The following MAP4 variants were observed in gnomAD, a reference collection of about 807,000 sequenced individuals.
MAP4 encodes microtubule-associated protein 4.
A neutral mutation model predicts 170.2 loss-of-function variants in MAP4; 76 were observed. The observed-to-expected ratio is 0.45, with a 90% CI of 0.37 to 0.54. MAP4 has a LOEUF of 0.54. Among genes scored for constraint, MAP4 ranks in the 20% least tolerant of loss-of-function variants. MAP4 has a pLI of 0.00. For missense variants in MAP4, 2,506 were observed against 2,748.0 expected, an observed-to-expected ratio of 0.91 and a Z score of 1.97; for synonymous variants, 909 against 994.5, an observed-to-expected ratio of 0.91 and a Z score of 1.62.
intron 2 of MAP4, among the ~76,000 whole-genome samples, chr3:47,982,126 T>C (rs1258019060): frequency 6.6e-6 from 1 of 151,964 alleles, no homozygotes; most frequent in African/African-American, 2.4e-5. Flanking sequence ...TCTACTCTTC[T>C]TGAGGAAACA....
chr3:48,006,627 G>T (rs1023837076), intron 1 of MAP4, among the ~76,000 whole-genome samples: 22 of 152,184 alleles, frequency 1.4e-4, no homozygotes, highest in Non-Finnish European at 2.9e-4. Flanking sequence ...CCTTAGAGTT[G>T]CCTCTACCTA....
At chr3:47,894,708 T>G (rs2100025857) in intron 10 of MAP4, among the ~76,000 whole-genome samples, 2 of 152,174 alleles carry the variant, frequency 1.3e-5, no homozygotes, top group Non-Finnish European at 2.9e-5. Flanking sequence ...ATTAAGTATG[T>G]ACAATATGTG....
chr3:48,018,467 T>TA (rs1307996333), upstream of MAP4, among the ~76,000 whole-genome samples: 2 of 152,144 alleles, frequency 1.3e-5, no homozygotes, highest in Non-Finnish European at 2.9e-5. Context: ...AGAAAAAGAA[T>TA]AAACAGATTC....
At position 48,080,957 on chromosome 3, in the gene MAP4, T is replaced by C. The variant is rs985247759; in HGVS notation, c.-20+7816A>G. ...GGCTAACACGGTGAAACCCCGTCTC[T>C]ACTAAAAATACAAAAAATTAGCCAG... On this transcript the variant is annotated intron_variant, in intron 1 of 18. Coordinates refer to the MAP4 transcript ENST00000360240. Among the ~76,000 whole-genome samples the C allele has an allele frequency of 2.2e-4, 33 of 152,182 alleles. 1 individual carries two copies. Among genetic ancestry groups the C allele is most frequent in the African/African-American group, 7.5e-4 (31 of 41,456 alleles).
intron 1 of MAP4, among the ~76,000 whole-genome samples, chr3:48,006,664 CA>C (rs2100102497): frequency 6.6e-6 from 1 of 152,178 alleles, no homozygotes; most frequent in Non-Finnish European, 1.5e-5. Context: ...AAAACAATAT[CA>C]CATCCCTGGA....
chr3:47,959,108 A>T (rs1204505551), intron 3 of MAP4, among the ~76,000 whole-genome samples: 1 of 139,960 alleles, frequency 7.1e-6, no homozygotes, highest in East Asian at 2.0e-4. Context: ...AGTGTGCAGT[A>T]AAAAAAAAAA....
chr3:47,954,043 C>CA, intron 3 of MAP4, among the ~76,000 whole-genome samples: 1 of 151,326 alleles, frequency 6.6e-6, no homozygotes, highest in East Asian at 1.9e-4. Context: ...CAAACAACAA[C>CA]AAAAAAAGAA....
intron 17 of MAP4, among the ~76,000 whole-genome samples, chr3:47,864,480 T>C (rs2075827009): frequency 1.3e-5 from 2 of 152,002 alleles, no homozygotes; most frequent in South Asian, 2.1e-4. Flanking sequence ...ATGGAGACCA[T>C]TCTGGCTAAC....
chr3:48,028,236 G>A (rs972548315), intron 1 of MAP4, among the ~76,000 whole-genome samples: 3 of 152,148 alleles, frequency 2.0e-5, no homozygotes, highest in Non-Finnish European at 4.4e-5. Flanking sequence ...AGGTTGTAGC[G>A]AGCCAAAATC....
chr3:47,985,452 G>T (rs1361119032), intron 2 of MAP4, among the ~76,000 whole-genome samples: 1 of 152,064 alleles, frequency 6.6e-6, no homozygotes, highest in African/African-American at 2.4e-5. Context: ...ATAAATAAAT[G>T]CTTTTTTTTA....
intron 10 of MAP4, among the ~76,000 whole-genome samples, chr3:47,888,820 T>G (rs2098104195): frequency 6.6e-6 from 1 of 152,378 alleles, no homozygotes; most frequent in East Asian, 1.9e-4. Context: ...AATATTTCCT[T>G]AACCTATACT....
chr3:47,973,255 CA>C (rs1490370196), intron 3 of MAP4: 162 of 977,352 alleles, frequency 1.7e-4, no homozygotes, highest in Non-Finnish European at 1.9e-4. Flanking sequence ...AACATTGGGC[CA>C]AAAAAGGAAA....
chr3:47,871,813 G>A, intron 13 of MAP4, 104 bp downstream of exon 13: 1 of 1,134,742 alleles, frequency 8.8e-7, no homozygotes, highest in Non-Finnish European at 1.3e-6. Flanking sequence ...GCGTAAGCAG[G>A]CCTGCACAGC....
chr3:47,910,224 GT>G lies in MAP4; in HGVS notation c.4196del (p.Asp1399AlafsTer27). ...KIHVPMETTGDQGIEGMAYMD... is the reference protein window; with the variant it reads ...KIHVPMETTGXQGIEGMAYMD... ...TATAGGCCATTCCTTCAATTCCCTG[GT>G]CCCCTGTGGTTTCCATGGGAACATG... On this transcript the variant is annotated frameshift_variant, in exon 9 of 21. Transcript: ENST00000683076. LOFTEE classifies it high-confidence loss of function. The G allele has an allele frequency of 6.2e-7, 1 of 1,611,520 alleles. No homozygotes were observed. Among genetic ancestry groups the G allele is most frequent in the Non-Finnish European group, 8.5e-7 (1 of 1,179,798 alleles).
At chr3:48,009,667 C>T (rs571186454) in intron 1 of MAP4, among the ~76,000 whole-genome samples, 1 of 152,258 alleles carries the variant, frequency 6.6e-6, no homozygotes, top group African/African-American at 2.4e-5. Flanking sequence ...TCCTCTGAAT[C>T]AGCGTCCAAT....
intron 1 of MAP4, among the ~76,000 whole-genome samples, chr3:48,030,978 T>G (rs913353339): frequency 1.3e-5 from 2 of 151,770 alleles, no homozygotes; most frequent in African/African-American, 4.8e-5. Context: ...TTCCAAGAGG[T>G]AGAACATAAC....
chr3:47,854,037 A>C (rs1377326490), intron 19 of MAP4, among the ~76,000 whole-genome samples: 1 of 152,194 alleles, frequency 6.6e-6, no homozygotes, highest in East Asian at 1.9e-4. Context: ...GGAGCTGGAA[A>C]GCGTGTGTCG....
In MAP4 at chr3:48,055,194, CTCTCCGTCTCCGTCTCCGTCTCCG is replaced by C. The variant is rs1209559579; in HGVS notation, c.-20+33555_-20+33578del. 1.8e-3 allele frequency among the ~76,000 whole-genome samples: 177 copies of C among 98,746 alleles called. 1 individual carries two copies. The highest frequency in any genetic ancestry group is 8.5e-3 in the South Asian group (23 of 2,702). 64.8% of individuals were successfully genotyped at this position (98,746 alleles called of 152,430 possible). On this transcript the variant is annotated intron_variant, in intron 1 of 18. Transcript: ENST00000360240. The stretch of plus-strand genomic sequence containing the variant: ...TTAAAAAGTCTCCCTCTCCCTCTCC[CTCTCCGTCTCCGTCTCCGTCTCCG>C]TCTCCGTCTCCGTCTCCGTCTCCCC...
intron 1 of MAP4, among the ~76,000 whole-genome samples, chr3:48,003,851 CA>C (rs1375444590): frequency 6.6e-6 from 1 of 152,070 alleles, no homozygotes; most frequent in Admixed American, 6.6e-5. Flanking sequence ...AATCAGCCAC[CA>C]GCGAACATAA....
Sources: gnomAD v4.1 joint callset for allele counts (sites outside exome capture counted in the v4.1 genomes callset) on GRCh38, gnomAD v4.1.1 for gene constraint, MANE v1.5 for transcripts, NCBI Gene and HGNC (gene_info 2026-07-23, HGNC 2026-07-21) for gene names.